Variants in LMO2 observed in about 807,000 individuals in gnomAD.
LMO2 encodes LIM domain only 2, also known as rhombotin-2.
Under a neutral mutation model 23.2 loss-of-function variants are expected in LMO2, and 20 were observed. The ratio of observed to expected loss-of-function variants is 0.86; its 90% confidence interval spans 0.61 to 1.25. LMO2 has a LOEUF of 1.25. Ranked by LOEUF, LMO2 falls within the 50% of genes most tolerant of loss-of-function variation. LMO2 has a pLI of 0.00. For missense variants in LMO2, 270 were observed against 315.3 expected, an observed-to-expected ratio of 0.86 and a Z score of 1.09; for synonymous variants, 123 against 130.2, an observed-to-expected ratio of 0.94 and a Z score of 0.38.
Position 33,864,866 on chromosome 11 carries a change from G to A in LMO2, c.249-49C>T. ...GGACAGCCTCACCAGAGTGAGACCA[G>A]CACCGAGGGTCCGAGATCGTTTTGG... On this transcript the variant is annotated intron_variant, in intron 4 of 5. Coordinates refer to ENST00000257818, the MANE Select transcript of LMO2 (RefSeq NM_005574.4). The surrounding 1 kb of genome is among the most constrained non-coding windows in gnomAD (Gnocchi z 4.8). The A allele has an allele frequency of 1.9e-6, 3 of 1,555,724 alleles. No individual in the cohort carries two copies. Among genetic ancestry groups the A allele is most frequent in the South Asian group, 1.1e-5 (1 of 90,020 alleles).
intron 2 of LMO2, among the ~76,000 whole-genome samples, chr11:33,873,105 C>T (rs944216361): frequency 6.6e-6 from 1 of 152,148 alleles, no homozygotes; most frequent in Non-Finnish European, 1.5e-5. Flanking sequence ...TATTACTTTC[C>T]TTGTCACAGT....
At chr11:33,884,932 G>A (rs9282776) in intron 1 of LMO2, among the ~76,000 whole-genome samples, 27,655 of 152,108 alleles carry the variant, frequency 0.18, 3,323 homozygotes, top group African/African-American at 0.34. Flanking sequence ...GGGCTGATAG[G>A]ACCTCGGATC....
chr11:33,872,757 T>C (rs1013599354), intron 2 of LMO2, among the ~76,000 whole-genome samples: 2 of 150,428 alleles, frequency 1.3e-5, no homozygotes, highest in African/African-American at 2.4e-5. Context: ...TTGGGTGTTA[T>C]TTGTTTGTTT....
chr11:33,883,220 A>C lies in LMO2; in HGVS notation c.-335-1333T>G, dbSNP rs1196940987. 2.0e-5 allele frequency among the ~76,000 whole-genome samples: 3 copies of C among 152,242 alleles called. No homozygotes were observed. The East Asian group carries it at 5.8e-4, about 29-fold the overall frequency. The stretch of plus-strand genomic sequence containing the variant: ...GGGGGATGGTACCTACGAAGTACTC[A>C]AAACATATTTATTAGATAAGTTAGT... On this transcript the variant is annotated intron_variant, in intron 1 of 5. Coordinates refer to ENST00000257818, the MANE Select transcript of LMO2 (RefSeq NM_005574.4).
At chr11:33,865,023 C>G (rs1020177241) in intron 4 of LMO2, 2 of 614,974 alleles carry the variant, frequency 3.3e-6, no homozygotes, top group African/African-American at 3.6e-5. Context: ...AGACCTTACT[C>G]CCTAGATGTC....
Position 33,868,436 on chromosome 11 carries a change from A to C in LMO2, c.248+910T>G, listed in dbSNP as rs115162176. 2.7e-3 allele frequency among the ~76,000 whole-genome samples: 408 copies of C among 152,366 alleles called. 4 individuals carry two copies. Among genetic ancestry groups the C allele is most frequent in the African/African-American group, 9.4e-3 (390 of 41,582 alleles). ...GGACTTCAAAGGAATAAAAATTCTC[A>C]AAACCAGACAGCTAATGACTCTTAA... is the stretch of plus-strand genomic sequence containing the variant. On this transcript the variant is annotated intron_variant, in intron 4 of 5. Coordinates refer to ENST00000257818, the MANE Select transcript of LMO2 (RefSeq NM_005574.4).
chr11:33,890,345 G>C (rs1156791184), intron 1 of LMO2, among the ~76,000 whole-genome samples: 2 of 152,086 alleles, frequency 1.3e-5, no homozygotes, highest in Non-Finnish European at 2.9e-5. Context: ...ATTTATGTAA[G>C]TTTTTTTGTT....
In LMO2 at chr11:33,872,256, A is replaced by C. The variant is rs1857042545; in HGVS notation, c.-271-2269T>G. On this transcript the variant is annotated intron_variant, in intron 2 of 5. Transcript: ENST00000257818. ...CAGTGAGCAGAGATCGCGCCATTGC[A>C]CTCCAGCCTGGGTGACAGAGTGAGA... Among the ~76,000 whole-genome samples the C allele has an allele frequency of 2.0e-5, 3 of 152,142 alleles. No homozygotes were observed. The South Asian group carries it at 6.2e-4, about 32-fold the overall frequency.
chr11:33,889,853 G>A (rs1233552456), intron 1 of LMO2, among the ~76,000 whole-genome samples: 3 of 152,176 alleles, frequency 2.0e-5, no homozygotes, highest in East Asian at 1.9e-4. Flanking sequence ...TATGTTTATC[G>A]TAGCACTAGT....
intron 2 of LMO2, among the ~76,000 whole-genome samples, chr11:33,872,246 G>A (rs928646713): frequency 1.8e-4 from 28 of 152,318 alleles, no homozygotes; most frequent in African/African-American, 6.7e-4. Context: ...AGCAGAGATC[G>A]CGCCATTGCA....
Position 33,869,334 on chromosome 11 carries a change from G to A in LMO2, c.248+12C>T. On this transcript the variant is annotated intron_variant, in intron 4 of 5. Coordinates refer to ENST00000257818, the MANE Select transcript of LMO2 (RefSeq NM_005574.4). ...ACACCGGGGGTGGCAGGGGCAGGGG[G>A]GCCGCACTTACTCTGAAGGGTCCAG... 2 of 1,192,460 alleles carry A rather than the reference G, an allele frequency of 1.7e-6. No individual in the cohort carries two copies. The highest frequency in any genetic ancestry group is 2.1e-6 in the Non-Finnish European group (2 of 953,686). 73.9% of individuals were successfully genotyped at this position (1,192,460 alleles called of 1,614,324 possible).
chr11:33,863,371 G>A (rs988447946), intron 5 of LMO2, among the ~76,000 whole-genome samples: 19 of 152,162 alleles, frequency 1.2e-4, no homozygotes, highest in African/African-American at 4.3e-4. Flanking sequence ...ACAGTCTTTA[G>A]GTAAAGCTTC....
At chr11:33,866,784 TACAGGTGTCC>T (rs1159645470) in intron 4 of LMO2, among the ~76,000 whole-genome samples, 1 of 152,210 alleles carries the variant, frequency 6.6e-6, no homozygotes, top group Non-Finnish European at 1.5e-5. Flanking sequence ...TAGCTGGGAT[TACAGGTGTCC>T]ACCACCAGGC....
In LMO2 at chr11:33,870,590, C is replaced by T. The variant is rs993698028; in HGVS notation, c.-271-603G>A. On this transcript the variant is annotated intron_variant, in intron 2 of 5. Transcript: ENST00000257818. ...GACGCCTAGAGCAGAGCCAGGGCAG[C>T]TAATCCCAGAGGGAGGGTGGCTGGG... The T allele has an allele frequency of 3.0e-6, 3 of 985,474 alleles. No individual in the cohort carries two copies. The African/African-American group carries it at 5.2e-5, about 17-fold the overall frequency. 61.0% of individuals were successfully genotyped at this position (985,474 alleles called of 1,614,324 possible). A position where few individuals can be genotyped will look rare whatever the true frequency, so the allele number is the denominator to read the frequency against.
chr11:33,859,489 T>C lies in LMO2; in HGVS notation c.551A>G (p.Tyr184Cys), dbSNP rs1856486530. The change falls in exon 6 of 6, where the codon TAT becomes TGT. Residue 184 changes from tyrosine to cysteine, a missense_variant. By Grantham distance (194) the Tyr-to-Cys change is radical. Around this residue, in one of 2 missense-constraint regions of LMO2, gnomAD observed 100 missense variants for 153.3 expected, o/e 0.65. Coordinates refer to ENST00000257818, the MANE Select transcript of LMO2 (RefSeq NM_005574.4). ...GGCGCATTTGAAACATTCCAGGTGA[T>C]ACACTTTGTCTTTCACCCGCATTGT... Reference protein sequence around the residue: ...EMTMRVKDKVYHLECFKCAAC... With the variant: ...EMTMRVKDKVCHLECFKCAAC... 6.2e-7 allele frequency: 1 copy of C among 1,613,820 alleles called. No homozygotes were observed.
rs117403702 is a variant in LMO2 at position 33,876,762 on chromosome 11, G to A, written c.-272+5062C>T. ...CATATGAGTAAAAGCAAAGGCTTTG[G>A]AGAGAGAAAGGCTTGTGTTTGAGTC... On this transcript the variant is annotated intron_variant, in intron 2 of 5. Transcript: ENST00000257818. Among the ~76,000 whole-genome samples, 64 of 152,328 alleles carry A rather than the reference G, an allele frequency of 4.2e-4. 1 individual carries two copies. The East Asian group carries it at 9.8e-3, about 23-fold the overall frequency.
At chr11:33,884,881 T>A (rs888258385) in intron 1 of LMO2, among the ~76,000 whole-genome samples, 7 of 152,226 alleles carry the variant, frequency 4.6e-5, no homozygotes, top group African/African-American at 1.7e-4. Context: ...GTTTTTGCCC[T>A]TCAGTGAAAG....
intron 5 of LMO2, among the ~76,000 whole-genome samples, chr11:33,860,751 C>G (rs1346907789): frequency 6.6e-6 from 1 of 152,118 alleles, no homozygotes; most frequent in African/African-American, 2.4e-5. Flanking sequence ...GCCTGGGCCA[C>G]AGAGCCATAC....
chr11:33,886,042 A>AT (rs951464844), intron 1 of LMO2, among the ~76,000 whole-genome samples: 7 of 151,882 alleles, frequency 4.6e-5, no homozygotes, highest in East Asian at 1.9e-4. Flanking sequence ...AGCTTGGCTA[A>AT]TTTTTTTGTA....
Sources: gnomAD v4.1 joint callset for allele counts (sites outside exome capture counted in the v4.1 genomes callset) on GRCh38, gnomAD v4.1.1 for gene constraint, gnomAD v4.1.1 regional missense constraint, Gnocchi (gnomAD v3.1) non-coding constraint, MANE v1.5 for transcripts, NCBI Gene and HGNC (gene_info 2026-07-23, HGNC 2026-07-21) for gene names.